Variants in CLU observed in about 807,000 individuals in gnomAD.
The protein encoded by CLU is clusterin.
A neutral mutation model predicts 46.4 loss-of-function variants in CLU; 25 were observed. The ratio of observed to expected loss-of-function variants is 0.54; its 90% CI spans 0.39 to 0.75. The LOEUF (loss-of-function observed/expected upper bound fraction) is 0.75, where lower values mean the gene tolerates loss of function less well. Ranked by LOEUF, CLU falls within the 30% of genes least tolerant of loss-of-function variation. The pLI, the probability that CLU is intolerant of heterozygous loss-of-function variation, is 0.00. For synonymous variants in CLU, 235 were observed against 235.1 expected (o/e 1.00, Z 0.00); for missense variants, 504 against 592.1 (o/e 0.85, Z 1.54).
chr8:27,610,815 G>A (rs550794628), intron 1 of CLU: 8 of 544,968 alleles, frequency 1.5e-5, no homozygotes, highest in Non-Finnish European at 2.7e-5. Context: ...CAGGGAGGGA[G>A]GGACTGCAGG....
At chr8:27,609,733 G>A (rs1800888048) in intron 2 of CLU, among the ~76,000 whole-genome samples, 1 of 152,110 alleles carries the variant, frequency 6.6e-6, no homozygotes, top group Non-Finnish European at 1.5e-5. Context: ...TATGATAAAG[G>A]GTCAAAGTGT....
At chr8:27,600,519 C>T (rs947057738) in intron 6 of CLU, among the ~76,000 whole-genome samples, 1 of 152,210 alleles carries the variant, frequency 6.6e-6, no homozygotes, top group African/African-American at 2.4e-5. Context: ...CCACCACGCC[C>T]AGCCTGAGAA....
chr8:27,608,465 G>GT, intron 3 of CLU: 1 of 230,248 alleles, frequency 4.3e-6, no homozygotes, highest in Non-Finnish European at 8.6e-6. Flanking sequence ...TTAAGCACAG[G>GT]CTAGACCTGC....
intron 1 of CLU, among the ~76,000 whole-genome samples, chr8:27,612,294 T>C (rs1008276242): frequency 6.6e-6 from 1 of 152,212 alleles, no homozygotes; most frequent in Non-Finnish European, 1.5e-5. Context: ...CCAGTATTCT[T>C]TCCTTGATTC....
intron 1 of CLU, chr8:27,613,891 A>C (rs1010999399): frequency 6.6e-6 from 1 of 152,174 alleles, no homozygotes; most frequent in Admixed American, 6.5e-5. Context: ...ATAATAATAA[A>C]AATCATATTT....
At chr8:27,612,429 C>T (rs940054675) in intron 1 of CLU, among the ~76,000 whole-genome samples, 5 of 152,186 alleles carry the variant, frequency 3.3e-5, no homozygotes, top group African/African-American at 1.2e-4. Flanking sequence ...ATTCTGACTA[C>T]TTCCAAATTA....
chr8:27,606,468 C>T lies in CLU; in HGVS notation c.303G>A (p.Val101=). ...AGAGGGCCATCATGGTCTCATTGCA[C>T]ACTCCTGGGAGCTCCTTCAGCTTTG... The part of the protein sequence containing the change: ...SETKLKELPG[V]CNETMMALWE... Residue 101 remains valine, a synonymous_variant, in exon 4 of 9, where the codon GTG becomes GTA. Coordinates refer to ENST00000316403, the MANE Select transcript of CLU (RefSeq NM_001831.4). 6.2e-7 allele frequency: 1 copy of T among 1,614,254 alleles called. No individual in the cohort carries two copies. Among genetic ancestry groups the T allele is most frequent in the East Asian group, 2.2e-5 (1 of 44,886 alleles).
chr8:27,613,055 A>G (rs1269934643), intron 1 of CLU, among the ~76,000 whole-genome samples: 1 of 152,010 alleles, frequency 6.6e-6, no homozygotes, highest in Non-Finnish European at 1.5e-5. Context: ...CAGCTTCCCA[A>G]AACGTTTCCA....
At chr8:27,602,609 A>G (rs542199076) in intron 6 of CLU, among the ~76,000 whole-genome samples, 2 of 152,132 alleles carry the variant, frequency 1.3e-5, no homozygotes, top group Admixed American at 6.5e-5. Flanking sequence ...TCAAAAAAAA[A>G]AAAAAAAATC....
chr8:27,606,261 C>A, intron 4 of CLU, 93 bp downstream of exon 4: 1 of 1,416,548 alleles, frequency 7.1e-7, no homozygotes, highest in Non-Finnish European at 9.9e-7. Context: ...CAATGCTAAT[C>A]AATTGCATCT....
At chr8:27,611,827 C>T (rs980485472) in intron 1 of CLU, 12 of 451,258 alleles carry the variant, frequency 2.7e-5, no homozygotes, top group African/African-American at 2.4e-4. Flanking sequence ...AGACCGGGCT[C>T]ACCAGGAAGG....
rs1202130403 is a variant in CLU at position 27,597,312 on chromosome 8, G to A, written c.*929C>T. On this transcript the variant is annotated 3_prime_UTR_variant, in exon 9 of 9. Transcript: ENST00000316403. ...GCTTTAAGACTGAGATTGGTACCAC[G>A]GGTAGTCATGGCCACCTGCTGGCAG... 4.4e-6 allele frequency: 2 copies of A among 454,398 alleles called. No individual in the cohort carries two copies. The highest frequency in any genetic ancestry group is 8.8e-6 in the Non-Finnish European group (2 of 226,794). The allele number at this position is 454,398 out of a possible 1,614,324, so 28.1% of individuals were successfully genotyped here.
At chr8:27,605,430 C>A (rs1800805237) in intron 4 of CLU, 95 bp from the exon 5 acceptor site, 6 of 1,339,484 alleles carry the variant, frequency 4.5e-6, no homozygotes, top group Non-Finnish European at 5.3e-6. Context: ...AGGCCCTGCC[C>A]ATGGCTGTAA....
In CLU at chr8:27,597,269, A is replaced by G. The variant is rs1172646826; in HGVS notation, c.*972T>C. 9.2e-6 allele frequency: 4 copies of G among 436,476 alleles called. No homozygotes were observed. In the East Asian group the frequency reaches 2.1e-4, roughly 23 times the overall value. 27.0% of individuals were successfully genotyped at this position (436,476 alleles called of 1,614,324 possible). On this transcript the variant is annotated 3_prime_UTR_variant, in exon 9 of 9. Transcript: ENST00000316403. ...GACCAGAATTCTATCAGAGAATGTT[A>G]ATGAACGAAAAGCCTGAGCTTTAAG... is the stretch of plus-strand genomic sequence containing the variant.
At position 27,597,451 on chromosome 8, in the gene CLU, A is replaced by G. The variant is rs572004235; in HGVS notation, c.*790T>C. ...GCGGTGGACAGGAAATGCCACAGTC[A>G]AGAAGATGCCCCTGGGATGCTGAGC... On this transcript the variant is annotated 3_prime_UTR_variant, in exon 9 of 9. Coordinates refer to ENST00000316403, the MANE Select transcript of CLU (RefSeq NM_001831.4). The G allele has an allele frequency of 2.2e-6, 1 of 454,492 alleles. No homozygotes were observed. The highest frequency in any genetic ancestry group is 2.0e-5 in the African/African-American group (1 of 50,144). 28.2% of individuals were successfully genotyped at this position (454,492 alleles called of 1,614,324 possible). A position where few individuals can be genotyped will look rare whatever the true frequency, so the allele number is the denominator to read the frequency against.
At chr8:27,611,117 C>T in intron 1 of CLU, 1 of 438,580 alleles carries the variant, frequency 2.3e-6, no homozygotes, top group South Asian at 1.6e-5. Context: ...CACCACAGCG[C>T]TGCAGCCCCC....
rs769745301 is a variant in CLU, at chr8:27,604,259, G to C, written c.934+32C>G. 7 of 1,564,652 alleles carry C rather than the reference G, an allele frequency of 4.5e-6. No individual in the cohort carries two copies. The South Asian group carries it at 7.8e-5, about 17-fold the overall frequency. ...TGACCCCAGGACACAAGGGATCAGG[G>C]GGGACGGCTTGTGGTCTGGACCCCG... On this transcript the variant is annotated intron_variant, in intron 6 of 8. Transcript: ENST00000316403.
chr8:27,611,769 G>A (rs1274653323), intron 1 of CLU: 1 of 457,304 alleles, frequency 2.2e-6, no homozygotes, highest in Non-Finnish European at 4.4e-6. Context: ...AGCAGCGTGG[G>A]AGAAGAGATG....
chr8:27,604,977 T>C lies in CLU; in HGVS notation c.776A>G (p.Asp259Gly). The C allele has an allele frequency of 6.2e-7, 1 of 1,614,082 alleles. No homozygotes were observed. Residue 259 changes from aspartate (D) to glycine (G), a missense_variant, in exon 5 of 9, where the codon GAC (aspartate) becomes GGC (glycine). By Grantham distance (94) the Asp-to-Gly change is moderately conservative. Around this residue, in one of 3 missense-constraint regions of CLU, gnomAD observed 428 missense variants for 484.0 expected, o/e 0.88. Coordinates refer to ENST00000316403, the MANE Select transcript of CLU (RefSeq NM_001831.4). ...GAAGGCCGGGCTATGGAAGTGGATG[T>C]CCATGGCCTGCTGAGCCTCGTGTAT... Reference protein sequence around the residue: ...EMIHEAQQAMDIHFHSPAFQH... With the variant: ...EMIHEAQQAMGIHFHSPAFQH...
Sources: allele counts gnomAD v4.1 joint callset (sites outside exome capture counted in the v4.1 genomes callset), GRCh38; gene constraint gnomAD v4.1.1; regional missense constraint gnomAD v4.1.1; transcripts MANE v1.5; gene names NCBI Gene and HGNC (gene_info 2026-07-23, HGNC 2026-07-21).